Variants in RELN observed in about 807,000 individuals in gnomAD.
RELN encodes the protein reelin.
In RELN, 108 loss-of-function variants were observed where a neutral mutation model predicts 427.6. The observed-to-expected ratio is 0.25, with a 90% confidence interval of 0.22 to 0.30. The LOEUF (loss-of-function observed/expected upper bound fraction) is 0.30, where lower values mean the gene tolerates loss of function less well. RELN is among the 10% of genes least tolerant of loss of function. The probability of loss-of-function intolerance (pLI) is 1.00; values close to 1 mark genes in which losing one functional copy is unlikely to be tolerated. For synonymous variants in RELN, 1,524 were observed against 1,513.4 expected, an observed-to-expected ratio of 1.01 and a Z score of -0.16; for missense variants, 3,715 against 4,302.8, an observed-to-expected ratio of 0.86 and a Z score of 3.82.
chr7:103,796,821 G>A (rs1450986540), intron 3 of RELN, among the ~76,000 whole-genome samples: 12 of 139,184 alleles, frequency 8.6e-5, no homozygotes, highest in Admixed American at 7.3e-4. Context: ...AGATTGCCCC[G>A]CTGCACTGCA....
chr7:103,606,749 C>A (rs1269902193), intron 22 of RELN, among the ~76,000 whole-genome samples: 1 of 151,980 alleles, frequency 6.6e-6, no homozygotes, highest in East Asian at 1.9e-4. Flanking sequence ...AAATTGTTTT[C>A]CTAAGTAAAT....
At chr7:103,753,288 C>G in intron 4 of RELN, 74 bp from the exon 5 acceptor site, 1 of 1,498,418 alleles carries the variant, frequency 6.7e-7, no homozygotes, top group South Asian at 1.1e-5. Flanking sequence ...AGAGTCACAA[C>G]ACAGTTATAA....
rs1437827543 is a variant in RELN, at chr7:103,604,555, G to C, written c.3009-72C>G. 13 of 1,523,278 alleles carry C rather than the reference G, an allele frequency of 8.5e-6. 1 individual carries two copies. Among genetic ancestry groups the C allele is most frequent in the Middle Eastern group, 3.4e-4 (2 of 5,904 alleles). The allele number at this position is 1,523,278 out of a possible 1,614,324, so 94.4% of individuals were successfully genotyped here. On this transcript the variant is annotated intron_variant, in intron 22 of 64. Coordinates refer to ENST00000428762, the MANE Select transcript of RELN (RefSeq NM_005045.4). ...AGTGACATTGGCAAAGAATGTCAGA[G>C]TCCAAAATCTTTCAGCTAACTAACT...
At position 103,538,590 on chromosome 7, in the gene RELN, T is replaced by C. The variant is rs915405815; in HGVS notation, c.7180+488A>G. Among the ~76,000 whole-genome samples, 8 of 152,252 alleles carry C rather than the reference T, an allele frequency of 5.3e-5. No individual in the cohort carries two copies. The East Asian group carries it at 1.4e-3, about 26-fold the overall frequency. Reference sequence around the variant, plus strand: ...AATGGGAACAACAAAATGTCATCATTTGGGGGGATATAGAGAGGAGACAAT... The same window carrying C: ...AATGGGAACAACAAAATGTCATCATCTGGGGGGATATAGAGAGGAGACAAT... On this transcript the variant is annotated intron_variant, in intron 45 of 64. Coordinates refer to ENST00000428762, the MANE Select transcript of RELN (RefSeq NM_005045.4).
chr7:103,740,708 GA>G (rs1198064763), intron 6 of RELN, among the ~76,000 whole-genome samples: 10 of 152,162 alleles, frequency 6.6e-5, no homozygotes, highest in Non-Finnish European at 8.8e-5. Context: ...TTCATTAGGT[GA>G]AGTTAATGGA....
At chr7:103,805,797 G>A (rs899969946) in intron 3 of RELN, among the ~76,000 whole-genome samples, 2 of 152,186 alleles carry the variant, frequency 1.3e-5, no homozygotes, top group African/African-American at 4.8e-5. Flanking sequence ...GGGACATGCA[G>A]AATACAGACA....
intron 6 of RELN, among the ~76,000 whole-genome samples, chr7:103,732,989 C>T (rs1790393716): frequency 1.3e-5 from 2 of 152,034 alleles, no homozygotes; most frequent in African/African-American, 4.8e-5. Context: ...AAGTCCTTGC[C>T]CATGCCTATG....
intron 19 of RELN, among the ~76,000 whole-genome samples, chr7:103,631,300 T>TTTTTTTTTTTTC: frequency 7.3e-6 from 1 of 136,304 alleles, no homozygotes; most frequent in Non-Finnish European, 1.6e-5. Context: ...TTTTTTTTTT[T>TTTTTTTTTTTTC]TTTTTTTTTT....
chr7:103,520,208 G>C (rs1829667944), intron 48 of RELN, among the ~76,000 whole-genome samples: 3 of 151,614 alleles, frequency 2.0e-5, no homozygotes. Context: ...ACTATCTCCA[G>C]TTATTTTCAG....
chr7:103,538,827 T>G (rs910826045), intron 45 of RELN, among the ~76,000 whole-genome samples: 1 of 152,220 alleles, frequency 6.6e-6, no homozygotes, highest in African/African-American at 2.4e-5. Context: ...GGTTATTTAC[T>G]GTATAAAATA....
At chr7:103,577,457 A>G (rs1441913540) in intron 28 of RELN, among the ~76,000 whole-genome samples, 1 of 152,134 alleles carries the variant, frequency 6.6e-6, no homozygotes, top group Non-Finnish European at 1.5e-5. Flanking sequence ...AGGTGAACAT[A>G]CAAATGTATT....
chr7:103,723,390 A>T (rs1485626128), intron 7 of RELN, among the ~76,000 whole-genome samples, 199 bp from the exon 8 acceptor site: 1 of 152,134 alleles, frequency 6.6e-6, no homozygotes, highest in Non-Finnish European at 1.5e-5. Flanking sequence ...CCCTGTGGGG[A>T]ATAAAGAAGT....
In RELN at chr7:103,653,979, C is replaced by T. The variant is rs1467315946; in HGVS notation, c.1554+114G>A. On this transcript the variant is annotated intron_variant, in intron 13 of 64. Transcript: ENST00000428762. ...TTTAAAGAAACCTGGCGACCTCTGG[C>T]CTGTCAGAACAGGGATGTATCTTCT... is the stretch of plus-strand genomic sequence containing the variant. The T allele has an allele frequency of 2.4e-5, 18 of 741,476 alleles. No individual in the cohort carries two copies. In the Admixed American group the frequency reaches 3.4e-4, roughly 14 times the overall value. The allele number at this position is 741,476 out of a possible 1,614,324, so 45.9% of individuals were successfully genotyped here.
chr7:103,835,919 T>C (rs1453840254), intron 2 of RELN, among the ~76,000 whole-genome samples: 1 of 151,448 alleles, frequency 6.6e-6, no homozygotes, highest in Non-Finnish European at 1.5e-5. Flanking sequence ...TTGTTCACAC[T>C]GTTAATATTT....
intron 4 of RELN, among the ~76,000 whole-genome samples, chr7:103,771,997 A>G (rs1182806380): frequency 6.6e-6 from 1 of 152,162 alleles, no homozygotes; most frequent in Non-Finnish European, 1.5e-5. Flanking sequence ...CACCGCCTGC[A>G]GAATGCGTAA....
rs574600226 is a variant in RELN at position 103,675,597 on chromosome 7, A to G, written c.1289+6519T>C. 2.6e-5 allele frequency among the ~76,000 whole-genome samples: 4 copies of G among 152,324 alleles called. No individual in the cohort carries two copies. The South Asian group carries it at 8.3e-4, about 32-fold the overall frequency. On this transcript the variant is annotated intron_variant, in intron 11 of 64. Coordinates refer to ENST00000428762, the MANE Select transcript of RELN (RefSeq NM_005045.4). ...ATTGCCAAGACAATCCTAAGCCAAA[A>G]GAACAAAGCTGGAGGCGTCATGCTA...
chr7:103,732,166 G>A (rs2115957238), intron 6 of RELN, among the ~76,000 whole-genome samples: 1 of 152,214 alleles, frequency 6.6e-6, no homozygotes, highest in South Asian at 2.1e-4. Flanking sequence ...GACAGTTTAG[G>A]ATATAGTTGA....
At chr7:103,518,327 CTTTTT>C (rs767194919) in intron 49 of RELN, among the ~76,000 whole-genome samples, 1 of 106,498 alleles carries the variant, frequency 9.4e-6, no homozygotes, top group East Asian at 3.5e-4. Context: ...TCTACGTTTC[CTTTTT>C]TTTTTTTTTT....
intron 1 of RELN, among the ~76,000 whole-genome samples, chr7:103,934,126 AC>A (rs3832533): frequency 0.47 from 70,860 of 151,870 alleles, 17,712 homozygotes; most frequent in East Asian, 0.65. Flanking sequence ...CCACAAAGTG[AC>A]CCATGTTGCA....
Sources: allele counts gnomAD v4.1 joint callset (sites outside exome capture counted in the v4.1 genomes callset), GRCh38; gene constraint gnomAD v4.1.1; transcripts MANE v1.5; gene names NCBI Gene and HGNC (gene_info 2026-07-23, HGNC 2026-07-21).